DPP6: variants seen among roughly 807,000 people sequenced by gnomAD.
The protein encoded by DPP6 is A-type potassium channel modulatory protein DPP6.
In DPP6, 69 loss-of-function variants were observed where a neutral mutation model predicts 122.6. The ratio of observed to expected loss-of-function variants is 0.56; its 90% CI spans 0.46 to 0.69. The LOEUF (loss-of-function observed/expected upper bound fraction) is 0.69, where lower values mean the gene tolerates loss of function less well. DPP6 is among the 30% of genes least tolerant of loss of function. The probability of loss-of-function intolerance (pLI) is 0.00; values close to 1 mark genes in which losing one functional copy is unlikely to be tolerated. For synonymous variants in DPP6, 418 were observed against 433.1 expected (o/e 0.97, Z 0.43); for missense variants, 928 against 1,116.9 (o/e 0.83, Z 2.41).
At chr7:154,580,413 T>A (rs1020012519) in intron 5 of DPP6, among the ~76,000 whole-genome samples, 2 of 152,202 alleles carry the variant, frequency 1.3e-5, no homozygotes, top group African/African-American at 4.8e-5. Flanking sequence ...GAATGATGAA[T>A]GGAACGTTGC....
chr7:154,087,945 C>T (rs1251901273), intron 1 of DPP6, among the ~76,000 whole-genome samples: 3 of 152,202 alleles, frequency 2.0e-5, no homozygotes, highest in East Asian at 3.9e-4. Flanking sequence ...GAAATTTCAT[C>T]GGGTGTTCAC....
At chr7:154,503,460 C>T (rs181965163) in intron 3 of DPP6, among the ~76,000 whole-genome samples, 7 of 152,348 alleles carry the variant, frequency 4.6e-5, no homozygotes, top group African/African-American at 1.7e-4. Context: ...TATGTAACTA[C>T]TGGAGGCAAG....
At chr7:153,958,796 T>C (rs537405741) in intron 1 of DPP6, among the ~76,000 whole-genome samples, 1 of 152,080 alleles carries the variant, frequency 6.6e-6, no homozygotes, top group South Asian at 2.1e-4. Flanking sequence ...CTGGCCTGTT[T>C]CCTGGGGTGT....
chr7:153,928,566 G>A (rs2129012157), intron 1 of DPP6, among the ~76,000 whole-genome samples: 1 of 151,554 alleles, frequency 6.6e-6, no homozygotes, highest in Middle Eastern at 3.4e-3. Context: ...AGTCAAAGAG[G>A]GTGACTTCTT....
chr7:154,810,957 CTT>C (rs1799022795), intron 16 of DPP6, among the ~76,000 whole-genome samples: 3 of 152,220 alleles, frequency 2.0e-5, no homozygotes, highest in Non-Finnish European at 4.4e-5. Flanking sequence ...CCCTGCCTTT[CTT>C]TTGTTGATTC....
At chr7:154,126,730 G>A (rs544229464) in intron 1 of DPP6, among the ~76,000 whole-genome samples, 33 of 152,020 alleles carry the variant, frequency 2.2e-4, no homozygotes, top group African/African-American at 6.5e-4. Context: ...GGTGCAGAAC[G>A]ATAGCATTTC....
intron 1 of DPP6, among the ~76,000 whole-genome samples, chr7:154,091,381 C>T (rs1804822493): frequency 6.6e-6 from 1 of 152,142 alleles, no homozygotes; most frequent in African/African-American, 2.4e-5. Context: ...GTTGAGCAGA[C>T]TTATAGCTTC....
At chr7:154,664,531 T>C (rs1838021114) in intron 6 of DPP6, among the ~76,000 whole-genome samples, 1 of 152,214 alleles carries the variant, frequency 6.6e-6, no homozygotes, top group South Asian at 2.1e-4. Flanking sequence ...TTTGTTAGGC[T>C]TGTCTCTAAA....
chr7:154,696,229 G>A (rs730067), intron 7 of DPP6, among the ~76,000 whole-genome samples: 12,733 of 152,204 alleles, frequency 0.084, 562 homozygotes, highest in South Asian at 0.13. Flanking sequence ...CTGACACGGG[G>A]CACAGCCACC....
At chr7:154,207,088 T>C (rs1409466575) in intron 1 of DPP6, among the ~76,000 whole-genome samples, 7 of 152,240 alleles carry the variant, frequency 4.6e-5, no homozygotes, top group Non-Finnish European at 5.9e-5. Flanking sequence ...AAGAATTTGA[T>C]GAGGGCATTA....
chr7:153,928,421 T>TTTTTTTTTTTTTTTTTA, intron 1 of DPP6, among the ~76,000 whole-genome samples: 1 of 119,706 alleles, frequency 8.4e-6, no homozygotes, highest in African/African-American at 3.1e-5. Flanking sequence ...TTTTTTTTTT[T>TTTTTTTTTTTTTTTTTA]GGTAGAGACA....
chr7:154,587,835 G>A (rs1042292677), intron 5 of DPP6: 1 of 1,612,806 alleles, frequency 6.2e-7, no homozygotes, highest in East Asian at 2.2e-5. Context: ...GCACAGCATT[G>A]CCAGCTTGCC....
chr7:154,064,148 C>T (rs1802514670), intron 1 of DPP6, among the ~76,000 whole-genome samples: 1 of 152,150 alleles, frequency 6.6e-6, no homozygotes, highest in Non-Finnish European at 1.5e-5. Context: ...CTCATCTACC[C>T]TGTACCCCCA....
chr7:153,823,629 A>T, the DPP6 span, among the ~76,000 whole-genome samples: 1 of 147,284 alleles, frequency 6.8e-6, no homozygotes, highest in Non-Finnish European at 1.5e-5. Context: ...ATCATGACGG[A>T]TATACTCCCC....
chr7:154,372,759 G>C (rs1215516463), intron 1 of DPP6, among the ~76,000 whole-genome samples: 2 of 152,192 alleles, frequency 1.3e-5, no homozygotes, highest in Non-Finnish European at 2.9e-5. Flanking sequence ...TAGTTTGCCA[G>C]TGCAGGTTCT....
At chr7:154,844,114 A>C (rs1801773818) in intron 16 of DPP6, among the ~76,000 whole-genome samples, 1 of 152,274 alleles carries the variant, frequency 6.6e-6, no homozygotes, top group Non-Finnish European at 1.5e-5. Flanking sequence ...AATCTGTGCC[A>C]AGGCAATACA....
At chr7:154,630,482 G>C (rs1373309612) in intron 5 of DPP6, among the ~76,000 whole-genome samples, 1 of 152,214 alleles carries the variant, frequency 6.6e-6, no homozygotes, top group Non-Finnish European at 1.5e-5. Context: ...TTTTTCTGTG[G>C]AAAGACCAGG....
intron 1 of DPP6, among the ~76,000 whole-genome samples, chr7:153,898,320 C>T (rs750446645): frequency 2.0e-5 from 3 of 152,082 alleles, no homozygotes; most frequent in Admixed American, 6.6e-5. Flanking sequence ...GGCTTGGTGG[C>T]ATCCACCTGT....
rs2280659 is a variant in DPP6 at position 154,804,807 on chromosome 7, G to A, written c.1500-110G>A. On this transcript the variant is annotated intron_variant, in intron 14 of 25. Transcript: ENST00000377770. The stretch of plus-strand genomic sequence containing the variant: ...CTGAACAGGGGAGCTACTCCCTGCA[G>A]GCCATGGGCGGCAGTCCCTGAGGAG... 0.41 allele frequency: 602,412 copies of A among 1,473,564 alleles called. 126,442 individuals carry two copies. Among genetic ancestry groups the A allele is most frequent in the East Asian group, 0.49 (19,924 of 40,470 alleles). 91.3% of individuals were successfully genotyped at this position (1,473,564 alleles called of 1,614,324 possible).
Sources: gnomAD v4.1 joint callset for allele counts (sites outside exome capture counted in the v4.1 genomes callset) on GRCh38, gnomAD v4.1.1 for gene constraint, MANE v1.5 for transcripts, NCBI Gene and HGNC (gene_info 2026-07-23, HGNC 2026-07-21) for gene names.